Variants in BTBD9 observed in about 807,000 individuals in gnomAD.
BTBD9 encodes the protein BTB/POZ domain-containing protein 9.
In BTBD9, 49 loss-of-function variants were observed where a neutral mutation model predicts 64.3. The observed-to-expected ratio is 0.76, with a 90% confidence interval of 0.61 to 0.97. The LOEUF (loss-of-function observed/expected upper bound fraction) is 0.97, where lower values mean the gene tolerates loss of function less well. BTBD9 is among the 50% of genes least tolerant of loss of function. The probability of loss-of-function intolerance (pLI) is 0.00; values close to 1 mark genes in which losing one functional copy is unlikely to be tolerated. For missense variants in BTBD9, 598 were observed against 762.1 expected, an observed-to-expected ratio of 0.78 and a Z score of 2.53; for synonymous variants, 260 against 274.7, an observed-to-expected ratio of 0.95 and a Z score of 0.53.
intron 6 of BTBD9, among the ~76,000 whole-genome samples, chr6:38,373,634 C>T (rs551462028): frequency 1.6e-4 from 25 of 152,226 alleles, no homozygotes; most frequent in African/African-American, 5.5e-4. Flanking sequence ...CAGGCTCAAG[C>T]GATCCTCCCA....
At chr6:38,311,811 T>A (rs1239155883) in intron 7 of BTBD9, among the ~76,000 whole-genome samples, 1 of 152,192 alleles carries the variant, frequency 6.6e-6, no homozygotes, top group Non-Finnish European at 1.5e-5. Context: ...GTAGTTTTGG[T>A]GTGCATTTTT....
At chr6:38,410,160 A>G (rs1767351546) in intron 6 of BTBD9, among the ~76,000 whole-genome samples, 4 of 152,178 alleles carry the variant, frequency 2.6e-5, no homozygotes, top group Admixed American at 2.0e-4. Flanking sequence ...TATCTCTTAT[A>G]TCTTAGAATT....
At chr6:38,549,198 G>C (rs564168765) in intron 6 of BTBD9, among the ~76,000 whole-genome samples, 2 of 152,144 alleles carry the variant, frequency 1.3e-5, no homozygotes, top group Non-Finnish European at 2.9e-5. Flanking sequence ...AGCTATGAAC[G>C]CTGGTAAGAT....
chr6:38,276,357 G>A (rs1215653898), intron 8 of BTBD9, among the ~76,000 whole-genome samples: 1 of 144,450 alleles, frequency 6.9e-6, no homozygotes, highest in African/African-American at 2.5e-5. Context: ...GTGGGGTGGG[G>A]GGAGGGGGGA....
intron 7 of BTBD9, among the ~76,000 whole-genome samples, chr6:38,343,211 A>C (rs908824403): frequency 1.1e-4 from 16 of 152,170 alleles, no homozygotes; most frequent in African/African-American, 3.9e-4. Context: ...CATATCTGAG[A>C]CTGTTACAGC....
At chr6:38,524,027 G>A (rs1472878021) in intron 6 of BTBD9, among the ~76,000 whole-genome samples, 1 of 152,140 alleles carries the variant, frequency 6.6e-6, no homozygotes, top group Non-Finnish European at 1.5e-5. Context: ...TTAGGTTACA[G>A]GACATACTTA....
intron 6 of BTBD9, among the ~76,000 whole-genome samples, chr6:38,482,683 T>G (rs1562246345): frequency 6.6e-6 from 1 of 152,178 alleles, no homozygotes; most frequent in Non-Finnish European, 1.5e-5. Context: ...GTTGAAGAGA[T>G]GCCAGTTTAG....
At chr6:38,420,037 A>C (rs1186270737) in intron 6 of BTBD9, among the ~76,000 whole-genome samples, 2 of 152,234 alleles carry the variant, frequency 1.3e-5, no homozygotes, top group Non-Finnish European at 2.9e-5. Context: ...TCATAAATCT[A>C]CAAATTCTGA....
At chr6:38,564,665 A>G (rs943406640) in intron 6 of BTBD9, among the ~76,000 whole-genome samples, 6 of 152,046 alleles carry the variant, frequency 3.9e-5, no homozygotes, top group Admixed American at 3.3e-4. Flanking sequence ...AAGGTGGGCG[A>G]ATCATTAGGT....
chr6:38,311,832 A>G lies in BTBD9; in HGVS notation c.1265-23371T>C, dbSNP rs567848407. On this transcript the variant is annotated intron_variant, in intron 7 of 10. Coordinates refer to ENST00000481247, the MANE Select transcript of BTBD9 (RefSeq NM_001099272.2). Reference sequence around the variant, plus strand: ...TTGGTGTGCATTTTTCTGAAGATCAATAATTTAGAGTACCTGAGCACCTTT... The same window carrying G: ...TTGGTGTGCATTTTTCTGAAGATCAGTAATTTAGAGTACCTGAGCACCTTT... Among the ~76,000 whole-genome samples, 60 of 152,172 alleles carry G rather than the reference A, an allele frequency of 3.9e-4. 1 individual carries two copies. Among genetic ancestry groups the G allele is most frequent in the Non-Finnish European group, 2.9e-5 (2 of 67,976 alleles).
At chr6:38,199,688 A>G (rs781122158) in intron 9 of BTBD9, among the ~76,000 whole-genome samples, 7 of 152,232 alleles carry the variant, frequency 4.6e-5, no homozygotes, top group Non-Finnish European at 7.3e-5. Flanking sequence ...ACTGGAGGAC[A>G]CAGCCATGCA....
At chr6:38,418,977 A>C (rs976305396) in intron 6 of BTBD9, among the ~76,000 whole-genome samples, 4 of 152,224 alleles carry the variant, frequency 2.6e-5, no homozygotes, top group African/African-American at 9.7e-5. Flanking sequence ...GAATGCATGG[A>C]CTAGAAGATA....
chr6:38,179,440 G>A (rs1227337465), intron 10 of BTBD9: 2 of 456,790 alleles, frequency 4.4e-6, no homozygotes, highest in South Asian at 3.1e-5. Flanking sequence ...ATACTGCGGT[G>A]CTACAGAAGG....
chr6:38,257,390 T>C (rs544848802), intron 8 of BTBD9, among the ~76,000 whole-genome samples: 119 of 151,822 alleles, frequency 7.8e-4, no homozygotes, highest in Non-Finnish European at 1.5e-3. Flanking sequence ...AGAGTCAGGG[T>C]CTCGCTATGT....
intron 6 of BTBD9, among the ~76,000 whole-genome samples, chr6:38,502,318 A>G (rs780203807): frequency 8.5e-5 from 13 of 152,258 alleles, no homozygotes; most frequent in Non-Finnish European, 1.8e-4. Flanking sequence ...CCACGAAACA[A>G]TATGAGTACA....
chr6:38,288,795 C>T (rs1252409111), intron 7 of BTBD9, among the ~76,000 whole-genome samples: 1 of 151,908 alleles, frequency 6.6e-6, no homozygotes, highest in African/African-American at 2.4e-5. Flanking sequence ...GGCGTGGTGG[C>T]GTGTGCCTGT....
intron 9 of BTBD9, among the ~76,000 whole-genome samples, chr6:38,236,892 G>C (rs1285296127): frequency 6.6e-6 from 1 of 152,188 alleles, no homozygotes; most frequent in Non-Finnish European, 1.5e-5. Context: ...TTGTGTCCAG[G>C]TTCAGATCTG....
In BTBD9 at chr6:38,246,858, C is replaced by T. The variant is rs144139102; in HGVS notation, c.1562+9551G>A. ...TGTTATTACCAATATGGGATTTATG[C>T]GACAGTCAAGTGCTTCAATCTTCTT... On this transcript the variant is annotated intron_variant, in intron 9 of 10. Coordinates refer to ENST00000481247, the MANE Select transcript of BTBD9 (RefSeq NM_001099272.2). Among the ~76,000 whole-genome samples the T allele has an allele frequency of 5.3e-4, 80 of 152,212 alleles. No homozygotes were observed. In the East Asian group the frequency reaches 0.014, roughly 27 times the overall value.
intron 7 of BTBD9, among the ~76,000 whole-genome samples, chr6:38,324,159 T>A (rs1763335634): frequency 6.6e-6 from 1 of 152,178 alleles, no homozygotes; most frequent in Non-Finnish European, 1.5e-5. Flanking sequence ...ATAATTTACA[T>A]CTTGTTATAC....
Sources: gnomAD v4.1 joint callset for allele counts (sites outside exome capture counted in the v4.1 genomes callset) on GRCh38, gnomAD v4.1.1 for gene constraint, MANE v1.5 for transcripts, NCBI Gene and HGNC (gene_info 2026-07-23, HGNC 2026-07-21) for gene names.